Variants in SDC4 observed in about 807,000 individuals in gnomAD.
SDC4 encodes the protein syndecan 4.
SDC4 carries 17 observed loss-of-function variants against 20.5 expected under a neutral mutation model. That is an observed-to-expected ratio of 0.83 (90% CI 0.57 to 1.25). SDC4 has a LOEUF of 1.25. Ranked by LOEUF, SDC4 falls within the 50% of genes most tolerant of loss-of-function variation. The pLI, the probability that SDC4 is intolerant of heterozygous loss-of-function variation, is 0.00. For missense variants in SDC4, 241 were observed against 252.3 expected (o/e 0.96, Z 0.30); for synonymous variants, 107 against 105.3 (o/e 1.02, Z -0.10).
chr20:45,348,281 G>A (rs777504838), intron 1 of SDC4, 44 bp downstream of exon 1: 167 of 1,497,016 alleles, frequency 1.1e-4, no homozygotes, highest in Non-Finnish European at 1.5e-4. Flanking sequence ...GCACCGGCCT[G>A]CGCCCCCGCT....
chr20:45,348,231 A>G, intron 1 of SDC4, 94 bp downstream of exon 1: 30 of 780,898 alleles, frequency 3.8e-5, no homozygotes, highest in East Asian at 6.8e-5. Flanking sequence ...CGTACCCCCG[A>G]TCTGCCCCCC....
intron 4 of SDC4, among the ~76,000 whole-genome samples, chr20:45,329,869 A>G (rs563599661): frequency 6.6e-6 from 1 of 152,182 alleles, no homozygotes; most frequent in African/African-American, 2.4e-5. Context: ...TGGACTCATT[A>G]TATCAACCCC....
Position 45,326,988 on chromosome 20 carries a change from A to C in SDC4, c.*276T>G. 2.8e-6 allele frequency: 1 copy of C among 361,960 alleles called. No individual in the cohort carries two copies. 22.4% of individuals were successfully genotyped at this position (361,960 alleles called of 1,614,324 possible). On this transcript the variant is annotated 3_prime_UTR_variant, in exon 5 of 5. Transcript: ENST00000372733. ...GGCTTGAGGGCGGACCTAGATTCTT[A>C]ACTGGAAGTTTAAGAAGTGATCCAA...
intron 1 of SDC4, chr20:45,345,337 A>G (rs1310979840): frequency 6.6e-6 from 1 of 152,196 alleles, no homozygotes; most frequent in Non-Finnish European, 1.5e-5. Context: ...TATTAATCAA[A>G]TTGAGAGATG....
At chr20:45,332,304 C>T (rs191720397) in intron 3 of SDC4, among the ~76,000 whole-genome samples, 9 of 152,012 alleles carry the variant, frequency 5.9e-5, no homozygotes, top group South Asian at 2.1e-4. Flanking sequence ...GGACTACAGG[C>T]GCACGCCACT....
intron 3 of SDC4, 146 bp downstream of exon 3, chr20:45,332,877 C>T: frequency 1.4e-6 from 1 of 734,842 alleles, no homozygotes; most frequent in Non-Finnish European, 2.2e-6. Context: ...ATGCCCACCC[C>T]AGGGCCAGAT....
rs1339286737 is a variant in SDC4 at position 45,335,858 on chromosome 20, G to A, written c.123C>T (p.Ala41=). The A allele has an allele frequency of 1.2e-6, 2 of 1,614,008 alleles. No homozygotes were observed. Among genetic ancestry groups the A allele is most frequent in the South Asian group, 2.2e-5 (2 of 91,074 alleles). Residue 41 remains alanine (A), a synonymous_variant, in exon 2 of 5, where the codon GCC becomes GCT. Transcript: ENST00000372733. ...DLLEGRYFSG[A]LPDDEDVVGP... ...CCACTACATCCTCATCGTCTGGTAG[G>A]GCTCCGGAGAAGTATCGGCCTTCTA... is the stretch of plus-strand genomic sequence containing the variant.
intron 2 of SDC4, among the ~76,000 whole-genome samples, chr20:45,335,120 A>G (rs868580325): frequency 3.1e-4 from 25 of 80,978 alleles, no homozygotes; most frequent in Middle Eastern, 0.013. Context: ...TTGGTTTCCC[A>G]ACTACATCTC....
chr20:45,333,759 T>C (rs946788281), intron 2 of SDC4, among the ~76,000 whole-genome samples: 58 of 152,360 alleles, frequency 3.8e-4, no homozygotes, highest in African/African-American at 1.3e-3. Context: ...TTAACATCTT[T>C]CCATTACAAT....
chr20:45,335,916 C>T lies in SDC4; in HGVS notation c.65G>A (p.Arg22Gln), dbSNP rs767445381. ...CTGGGGGTCGATGACCTCAGTCTCTCGGATCTAAGATAAAGAAAGGAGACA... is the reference window on the plus strand; with the variant it reads ...CTGGGGGTCGATGACCTCAGTCTCTTGGATCTAAGATAAAGAAAGGAGACA... ...FFVGGVAESI[R>Q]ETEVIDPQDL... Residue 22 changes from arginine (R) to glutamine (Q), a missense_variant, in exon 2 of 5, where the codon CGA (arginine) becomes CAA (glutamine). Physicochemically the swap from Arg to Gln is conservative, Grantham distance 43. Transcript: ENST00000372733. 4 of 1,611,610 alleles carry T rather than the reference C, an allele frequency of 2.5e-6. No individual in the cohort carries two copies. The African/African-American group carries it at 4.0e-5, about 16-fold the overall frequency.
rs992070397 is a variant in SDC4, at chr20:45,325,861, G to T, written c.*1403C>A. The T allele has an allele frequency of 6.6e-6, 1 of 152,612 alleles. No homozygotes were observed. Among genetic ancestry groups the T allele is most frequent in the Non-Finnish European group, 1.5e-5 (1 of 68,050 alleles). 9.5% of individuals were successfully genotyped at this position (152,612 alleles called of 1,614,324 possible). A position where few individuals can be genotyped will look rare whatever the true frequency, so the allele number is the denominator to read the frequency against. On this transcript the variant is annotated 3_prime_UTR_variant, in exon 5 of 5. Transcript: ENST00000372733. ...TTGGCTTAACTTTAAACAGCCGCAT[G>T]TGGTTACTGTATTGGATAGCACAGC...
intron 1 of SDC4, among the ~76,000 whole-genome samples, chr20:45,344,444 C>T (rs1453084416): frequency 6.6e-6 from 1 of 152,192 alleles, no homozygotes; most frequent in East Asian, 1.9e-4. Flanking sequence ...TGCAGTGACT[C>T]ACAGCGCTCG....
intron 1 of SDC4, among the ~76,000 whole-genome samples, chr20:45,341,147 A>G (rs113110464): frequency 2.9e-4 from 44 of 152,346 alleles, no homozygotes; most frequent in African/African-American, 1.0e-3. Flanking sequence ...CACGTGATCA[A>G]TGAATAGTGG....
At chr20:45,330,312 C>T in intron 4 of SDC4, 54 bp downstream of exon 4, 1 of 1,529,954 alleles carries the variant, frequency 6.5e-7, no homozygotes, top group South Asian at 1.1e-5. Flanking sequence ...GTGCTCTCCC[C>T]CGCTGAGCCC....
At chr20:45,338,129 A>T (rs1228591258) in intron 1 of SDC4, among the ~76,000 whole-genome samples, 2 of 152,154 alleles carry the variant, frequency 1.3e-5, no homozygotes. Flanking sequence ...GGCCTTAACC[A>T]AGCACACAGC....
chr20:45,346,024 C>T (rs190738338), intron 1 of SDC4, among the ~76,000 whole-genome samples: 13 of 152,290 alleles, frequency 8.5e-5, no homozygotes, highest in Admixed American at 2.6e-4. Flanking sequence ...TTACCTCTCA[C>T]ATTTGGGAAG....
chr20:45,325,795 G>C lies in SDC4; in HGVS notation c.*1469C>G, dbSNP rs1010545645. On this transcript the variant is annotated 3_prime_UTR_variant, in exon 5 of 5. Coordinates refer to ENST00000372733, the MANE Select transcript of SDC4 (RefSeq NM_002999.4). ...AGTGACGCCTCTAGAAACGTGGTTA[G>C]TGCAACTGAGGAAGGAATTTTTAAT... 2 of 152,336 alleles carry C rather than the reference G, an allele frequency of 1.3e-5. No individual in the cohort carries two copies. The highest frequency in any genetic ancestry group is 1.9e-4 in the East Asian group (1 of 5,200). The allele number at this position is 152,336 out of a possible 1,614,324, so 9.4% of individuals were successfully genotyped here.
chr20:45,334,292 C>T (rs569393689), intron 2 of SDC4, among the ~76,000 whole-genome samples: 3 of 151,948 alleles, frequency 2.0e-5, no homozygotes, highest in Non-Finnish European at 4.4e-5. Context: ...CCACCGCGCC[C>T]GGCCAAAATC....
Position 45,335,763 on chromosome 20 carries a change from C to T in SDC4, c.199+19G>A, listed in dbSNP as rs1987853277. On this transcript the variant is annotated intron_variant, in intron 2 of 4. Coordinates refer to ENST00000372733, the MANE Select transcript of SDC4 (RefSeq NM_002999.4). ...CCCTCCAGCTTTGTGCCTACGCCTGCCCAGCACACCTTCCGTACCCAGATC... is the reference window on the plus strand; with the variant it reads ...CCCTCCAGCTTTGTGCCTACGCCTGTCCAGCACACCTTCCGTACCCAGATC... The T allele has an allele frequency of 1.2e-6, 2 of 1,612,174 alleles. No homozygotes were observed. The highest frequency in any genetic ancestry group is 1.8e-4 in the Middle Eastern group (1 of 5,632).
Sources: allele counts gnomAD v4.1 joint callset (sites outside exome capture counted in the v4.1 genomes callset), GRCh38; gene constraint gnomAD v4.1.1; transcripts MANE v1.5; gene names NCBI Gene and HGNC (gene_info 2026-07-23, HGNC 2026-07-21).